DMD: variants seen among roughly 807,000 people sequenced by gnomAD.
DMD encodes dystrophin, also known as mutant dystrophin.
In DMD, 63 loss-of-function variants were observed where a neutral mutation model predicts 330.1. The observed-to-expected ratio is 0.19, with a 90% CI of 0.16 to 0.24. The LOEUF is 0.24. DMD is among the 10% of genes least tolerant of loss of function. DMD has a pLI of 1.00. For missense variants in DMD, 3,344 were observed against 2,684.1 expected (o/e 1.25, Z -5.43); for synonymous variants, 1,223 against 959.8 (o/e 1.27, Z -5.07).
chrX:32,588,469 T>C lies in DMD; in HGVS notation c.1602+7288A>G, dbSNP rs189966404. On this transcript the variant is annotated intron_variant, in intron 13 of 78. Transcript: ENST00000357033. ...CATACAGGGTATCAGAAACAGCTTG[T>C]ATGAATCAAATGCAGGTTGAGGGAC... Among the ~76,000 whole-genome samples, 4 of 112,282 alleles carry C rather than the reference T, an allele frequency of 3.6e-5. No homozygotes were observed. In the East Asian group the frequency reaches 8.5e-4, roughly 24 times the overall value.
At chrX:31,903,019 A>G (rs1468099356) in intron 47 of DMD, among the ~76,000 whole-genome samples, 1 of 111,589 alleles carries the variant, frequency 9.0e-6, no homozygotes, top group Non-Finnish European at 1.9e-5. Flanking sequence ...ACCTCTCAAC[A>G]TTGCCATTGT....
intron 7 of DMD, among the ~76,000 whole-genome samples, chrX:32,742,204 G>C (rs995892899): frequency 8.9e-6 from 1 of 111,779 alleles, no homozygotes; most frequent in Admixed American, 9.5e-5. Context: ...CTTCTGGCTT[G>C]TATCACTCTA....
At chrX:32,733,391 C>T (rs1178330273) in intron 7 of DMD, among the ~76,000 whole-genome samples, 1 of 109,649 alleles carries the variant, frequency 9.1e-6, no homozygotes, top group Non-Finnish European at 1.9e-5. Flanking sequence ...AGGAATTGAA[C>T]TCAGCTCTGC....
intron 12 of DMD, among the ~76,000 whole-genome samples, chrX:32,609,084 A>G (rs999271777): frequency 1.0e-4 from 11 of 110,313 alleles, no homozygotes; most frequent in Non-Finnish European, 1.3e-4. Flanking sequence ...GCCCAGTCCC[A>G]GAATCTATTA....
chrX:32,617,996 A>G (rs1337219890), intron 11 of DMD, among the ~76,000 whole-genome samples: 1 of 111,817 alleles, frequency 8.9e-6, no homozygotes, highest in Non-Finnish European at 1.9e-5. Context: ...CATCTGGGAA[A>G]TGCAAATTAA....
At chrX:32,243,615 A>C (rs1331309018) in intron 43 of DMD, among the ~76,000 whole-genome samples, 4 of 112,061 alleles carry the variant, frequency 3.6e-5, no homozygotes, top group African/African-American at 1.3e-4. Context: ...ATAGTGAAAT[A>C]TAATAAAAGA....
intron 44 of DMD, among the ~76,000 whole-genome samples, chrX:32,199,366 C>G (rs2097021443): frequency 9.0e-6 from 1 of 111,457 alleles, no homozygotes; most frequent in Non-Finnish European, 1.9e-5. Flanking sequence ...TGAACACTCC[C>G]TGGTGGCCAA....
intron 55 of DMD, among the ~76,000 whole-genome samples, chrX:31,581,257 T>A (rs763089439): frequency 8.9e-6 from 1 of 112,076 alleles, no homozygotes; most frequent in African/African-American, 3.2e-5. Flanking sequence ...CACCTGCCTG[T>A]CTGCGAATTT....
At chrX:32,554,098 G>C (rs1381101836) in intron 16 of DMD, among the ~76,000 whole-genome samples, 1 of 112,372 alleles carries the variant, frequency 8.9e-6, no homozygotes, top group Non-Finnish European at 1.9e-5. Context: ...TGAGAACAAA[G>C]AGACAATTTA....
At chrX:32,265,032 T>C (rs781660294) in intron 43 of DMD, among the ~76,000 whole-genome samples, 5 of 112,530 alleles carry the variant, frequency 4.4e-5, no homozygotes, top group Non-Finnish European at 1.9e-5. Context: ...GAAATTTGCA[T>C]ATGTAACGAG....
At chrX:33,127,921 A>G (rs1329150103) in intron 1 of DMD, 2 of 649,265 alleles carry the variant, frequency 3.1e-6, no homozygotes, top group Non-Finnish European at 4.1e-6. Flanking sequence ...AGTGATTTGC[A>G]TTATCCTATA....
chrX:32,190,375 T>C (rs2096967893), intron 44 of DMD, among the ~76,000 whole-genome samples: 1 of 108,323 alleles, frequency 9.2e-6, no homozygotes, highest in Admixed American at 9.9e-5. Context: ...TTTTGTGCAA[T>C]GCTATACCGC....
At chrX:32,755,624 C>T (rs955266005) in intron 7 of DMD, among the ~76,000 whole-genome samples, 2 of 111,887 alleles carry the variant, frequency 1.8e-5, no homozygotes, top group African/African-American at 3.2e-5. Flanking sequence ...TATTTTCAAA[C>T]AATATTCAAT....
At chrX:32,890,492 A>C (rs2085099370) in intron 2 of DMD, among the ~76,000 whole-genome samples, 3 of 110,624 alleles carry the variant, frequency 2.7e-5, no homozygotes, top group Admixed American at 9.7e-5. Flanking sequence ...TTAATCCATC[A>C]TAAACAGTGA....
intron 9 of DMD, among the ~76,000 whole-genome samples, chrX:32,649,408 G>A (rs1372432806): frequency 9.2e-6 from 1 of 108,728 alleles, no homozygotes; most frequent in Non-Finnish European, 1.9e-5. Flanking sequence ...CAAAAAATTA[G>A]CCGGGCGCGG....
intron 60 of DMD, among the ~76,000 whole-genome samples, chrX:31,409,364 A>G (rs1249409476): frequency 1.8e-5 from 2 of 112,135 alleles, no homozygotes; most frequent in Non-Finnish European, 3.8e-5. Flanking sequence ...CTTGTAAGTC[A>G]TGCCCAGCAG....
chrX:32,594,267 C>T (rs960643302), intron 13 of DMD, among the ~76,000 whole-genome samples: 2 of 111,508 alleles, frequency 1.8e-5, no homozygotes, highest in African/African-American at 6.5e-5. Flanking sequence ...CCATCTGTAC[C>T]TCTTTACCAA....
At chrX:32,637,453 T>A (rs760637406) in intron 11 of DMD, among the ~76,000 whole-genome samples, 3 of 112,108 alleles carry the variant, frequency 2.7e-5, no homozygotes, top group Non-Finnish European at 5.6e-5. Context: ...TAATTTGAAT[T>A]GTTCCAACCC....
chrX:32,196,714 G>A (rs772910083), intron 44 of DMD, among the ~76,000 whole-genome samples: 18 of 110,198 alleles, frequency 1.6e-4, no homozygotes, highest in African/African-American at 5.3e-4. Flanking sequence ...GGCCTGGCAC[G>A]GTGGCTCACG....
Sources: gnomAD v4.1 joint callset for allele counts (sites outside exome capture counted in the v4.1 genomes callset) on GRCh38, gnomAD v4.1.1 for gene constraint, MANE v1.5 for transcripts, NCBI Gene and HGNC (gene_info 2026-07-23, HGNC 2026-07-21) for gene names.